The following GNG7 variants were observed in gnomAD, a reference collection of about 807,000 sequenced individuals.
The protein encoded by GNG7 is guanine nucleotide-binding protein G(I)/G(S)/G(O) subunit gamma-7.
Under a neutral mutation model 4.0 loss-of-function variants are expected in GNG7, and 1 was observed. The observed-to-expected ratio is 0.25, with a 90% confidence interval of 0.09 to 1.18. The LOEUF is 1.18. Ranked by LOEUF, GNG7 falls within the 50% of genes most tolerant of loss-of-function variation. GNG7 has a pLI of 0.50. For missense variants in GNG7, 86 were observed against 91.9 expected, an observed-to-expected ratio of 0.94 and a Z score of 0.26; for synonymous variants, 34 against 36.9, an observed-to-expected ratio of 0.92 and a Z score of 0.29.
Position 2,533,153 on chromosome 19 carries a change from C to A in GNG7, c.-37-12428G>T, listed in dbSNP as rs184477287. On this transcript the variant is annotated intron_variant, in intron 3 of 4. Coordinates refer to ENST00000382159, the MANE Select transcript of GNG7 (RefSeq NM_052847.3). ...GAGATCAAGCAACGTGTATGATTCT[C>A]AAAAATATAAATGTATTCTAAAAAA... Among the ~76,000 whole-genome samples, 152 of 150,266 alleles carry A rather than the reference C, an allele frequency of 1.0e-3. 2 individuals carry two copies. The highest frequency in any genetic ancestry group is 1.2e-3 in the Admixed American group (18 of 15,054).
chr19:2,529,366 C>A (rs1382053043), intron 3 of GNG7, among the ~76,000 whole-genome samples: 3 of 152,128 alleles, frequency 2.0e-5, no homozygotes, highest in Admixed American at 1.3e-4. Context: ...TACAAGCATG[C>A]GCCACCACGC....
At chr19:2,569,315 G>C (rs911456096) in intron 2 of GNG7, among the ~76,000 whole-genome samples, 6 of 151,888 alleles carry the variant, frequency 4.0e-5, no homozygotes, top group Non-Finnish European at 8.8e-5. Context: ...TCGCTCTGTC[G>C]CCCAGGCTGG....
intron 2 of GNG7, among the ~76,000 whole-genome samples, chr19:2,630,129 A>T (rs1166381189): frequency 6.6e-6 from 1 of 152,108 alleles, no homozygotes; most frequent in African/African-American, 2.4e-5. Context: ...CCTCTCCCCA[A>T]AGACCTGGCA....
chr19:2,559,063 G>A (rs1979655986), intron 2 of GNG7, among the ~76,000 whole-genome samples: 1 of 152,014 alleles, frequency 6.6e-6, no homozygotes, highest in South Asian at 2.1e-4. Flanking sequence ...CCCCCCCAAA[G>A]TGCTGGGATT....
At chr19:2,650,335 A>G (rs1982778754) in intron 1 of GNG7, among the ~76,000 whole-genome samples, 1 of 151,762 alleles carries the variant, frequency 6.6e-6, no homozygotes, top group South Asian at 2.1e-4. Context: ...TCAGGTACCC[A>G]CCACCATGCC....
At position 2,513,617 on chromosome 19, in the gene GNG7, G is replaced by C; in HGVS notation, c.*1405C>G. The C allele has an allele frequency of 1.0e-6, 1 of 981,028 alleles. No homozygotes were observed. The highest frequency in any genetic ancestry group is 1.2e-6 in the Non-Finnish European group (1 of 825,898). The allele number at this position is 981,028 out of a possible 1,614,324, so 60.8% of individuals were successfully genotyped here. A position where few individuals can be genotyped will look rare whatever the true frequency, so the allele number is the denominator to read the frequency against. ...CGGCCTCAGACAGCCGTCCTGGGTT[G>C]CACGGGGGTGGAAAAGCAAAAAGAT... On this transcript the variant is annotated 3_prime_UTR_variant, in exon 5 of 5. Coordinates refer to ENST00000382159, the MANE Select transcript of GNG7 (RefSeq NM_052847.3).
intron 1 of GNG7, among the ~76,000 whole-genome samples, chr19:2,664,103 C>T (rs1031593808): frequency 1.3e-5 from 2 of 152,232 alleles, no homozygotes; most frequent in African/African-American, 4.8e-5. Context: ...CTCCACCGCC[C>T]CCCAGGCCCG....
Position 2,609,569 on chromosome 19 carries a change from T to C in GNG7, c.-78+36655A>G, listed in dbSNP as rs563694838. ...AATCCCGTTGTGCAGGACAGCTGGG[T>C]GGATTGCAGTGATGTTTGCGCACCA... On this transcript the variant is annotated intron_variant, in intron 2 of 4. Coordinates refer to ENST00000382159, the MANE Select transcript of GNG7 (RefSeq NM_052847.3). This position sits in a 1 kb window ranked among gnomAD's most constrained non-coding sequence, Gnocchi z 4.4. Among the ~76,000 whole-genome samples the C allele has an allele frequency of 6.6e-6, 1 of 152,092 alleles. No individual in the cohort carries two copies. Among genetic ancestry groups the C allele is most frequent in the South Asian group, 2.1e-4 (1 of 4,806 alleles).
chr19:2,615,379 G>T (rs1981692091), intron 2 of GNG7, among the ~76,000 whole-genome samples: 1 of 151,038 alleles, frequency 6.6e-6, no homozygotes, highest in East Asian at 1.9e-4. Flanking sequence ...TCTCCTTAGA[G>T]ACCTTCCTGG....
intron 1 of GNG7, among the ~76,000 whole-genome samples, chr19:2,679,749 T>A (rs978409993): frequency 2.0e-5 from 3 of 152,176 alleles, no homozygotes; most frequent in Non-Finnish European, 1.5e-5. Context: ...GACAGAATTT[T>A]CAACCCCTTG....
rs578214363 is a variant in GNG7, at chr19:2,691,859, T to C, written c.-135+10787A>G. On this transcript the variant is annotated intron_variant, in intron 1 of 4. Coordinates refer to ENST00000382159, the MANE Select transcript of GNG7 (RefSeq NM_052847.3). ...TCCAGCCTGGGCAGCAGAGCAAGAT[T>C]GCATCTCAAAAAAAAAAAAAAAAAG... Among the ~76,000 whole-genome samples the C allele has an allele frequency of 1.9e-4, 21 of 110,866 alleles. No individual in the cohort carries two copies. In the South Asian group the frequency reaches 4.9e-3, roughly 26 times the overall value. The allele number at this position is 110,866 out of a possible 152,430, so 72.7% of individuals were successfully genotyped here. A position where few individuals can be genotyped will look rare whatever the true frequency, so the allele number is the denominator to read the frequency against.
In GNG7 at chr19:2,624,669, CTG is replaced by C. The variant is rs150946510; in HGVS notation, c.-78+21553_-78+21554del. 6.0e-3 allele frequency among the ~76,000 whole-genome samples: 915 copies of C among 152,360 alleles called. 33 individuals are homozygous for C. The East Asian group carries it at 0.1, about 17-fold the overall frequency. The stretch of plus-strand genomic sequence containing the variant: ...AGGCCTCTCGTCTCCGGAGCAGTGA[CTG>C]TGACCTGTTGCCAGCCCTGGCGGCT... On this transcript the variant is annotated intron_variant, in intron 2 of 4. Transcript: ENST00000382159.
intron 2 of GNG7, among the ~76,000 whole-genome samples, chr19:2,569,321 G>A (rs899264338): frequency 2.6e-5 from 4 of 152,060 alleles, no homozygotes; most frequent in Admixed American, 1.3e-4. Context: ...TGTCGCCCAG[G>A]CTGGAGTGCA....
chr19:2,687,136 C>A (rs556142012), intron 1 of GNG7, among the ~76,000 whole-genome samples: 14 of 151,876 alleles, frequency 9.2e-5, no homozygotes, highest in Non-Finnish European at 1.6e-4. Context: ...TGGCTCACTG[C>A]AGCCTCAACT....
chr19:2,665,683 G>A (rs1983292946), intron 1 of GNG7, among the ~76,000 whole-genome samples: 1 of 152,054 alleles, frequency 6.6e-6, no homozygotes, highest in African/African-American at 2.4e-5. Flanking sequence ...CACTGTCGCT[G>A]TGCCTCAGTT....
chr19:2,552,853 C>G (rs540026536), intron 3 of GNG7, among the ~76,000 whole-genome samples: 2 of 134,546 alleles, frequency 1.5e-5, no homozygotes, highest in East Asian at 2.0e-4. Flanking sequence ...CCGGCTCCAC[C>G]CCCCCCACCT....
chr19:2,642,811 G>A (rs1016931282), intron 2 of GNG7: 1 of 456,672 alleles, frequency 2.2e-6, no homozygotes, highest in Non-Finnish European at 4.4e-6. Flanking sequence ...AATGTTTGAA[G>A]AAGCCCAACA....
chr19:2,603,948 T>A (rs1252364787), intron 2 of GNG7, among the ~76,000 whole-genome samples: 1 of 151,944 alleles, frequency 6.6e-6, no homozygotes, highest in African/African-American at 2.4e-5. Context: ...CCTCCTGGGT[T>A]CACGCCATTC....
At chr19:2,657,458 C>T (rs1267150687) in intron 1 of GNG7, among the ~76,000 whole-genome samples, 2 of 139,512 alleles carry the variant, frequency 1.4e-5, no homozygotes, top group Non-Finnish European at 1.5e-5. Flanking sequence ...AGAGCTGAAA[C>T]TCAAAGTCGT....
Sources: gnomAD v4.1 joint callset for allele counts (sites outside exome capture counted in the v4.1 genomes callset) on GRCh38, gnomAD v4.1.1 for gene constraint, Gnocchi (gnomAD v3.1) non-coding constraint, MANE v1.5 for transcripts, NCBI Gene and HGNC (gene_info 2026-07-23, HGNC 2026-07-21) for gene names.